CSNK1G3: variants seen among roughly 807,000 people sequenced by gnomAD.
CSNK1G3 encodes casein kinase I isoform gamma-3.
CSNK1G3 carries 23 observed loss-of-function variants against 64.3 expected under a neutral mutation model. The observed-to-expected ratio is 0.36, with a 90% CI of 0.26 to 0.51. CSNK1G3 has a LOEUF of 0.51. CSNK1G3 is among the 20% of genes least tolerant of loss of function. CSNK1G3 has a pLI of 0.96. For synonymous variants in CSNK1G3, 158 were observed against 162.2 expected (o/e 0.97, Z 0.20); for missense variants, 357 against 510.5 (o/e 0.70, Z 2.90).
intron 10 of CSNK1G3, among the ~76,000 whole-genome samples, chr5:123,604,412 T>C (rs1794997269): frequency 6.6e-6 from 1 of 151,998 alleles, no homozygotes; most frequent in African/African-American, 2.4e-5. Flanking sequence ...AAGAGGAAAC[T>C]GATTGAGACA....
At chr5:123,600,894 T>A (rs1794379068) in intron 10 of CSNK1G3, among the ~76,000 whole-genome samples, 1 of 149,892 alleles carries the variant, frequency 6.7e-6, no homozygotes, top group Non-Finnish European at 1.5e-5. Flanking sequence ...AAAACTGGAG[T>A]CTAGTTGCCT....
chr5:123,542,185 A>G (rs1257811420), intron 1 of CSNK1G3, among the ~76,000 whole-genome samples: 6 of 152,194 alleles, frequency 3.9e-5, no homozygotes, highest in Non-Finnish European at 8.8e-5. Flanking sequence ...GAATAGCTAA[A>G]TAGAGCTAAT....
chr5:123,525,245 T>A (rs1287201752), intron 1 of CSNK1G3, among the ~76,000 whole-genome samples: 2 of 151,836 alleles, frequency 1.3e-5, no homozygotes, highest in Admixed American at 1.3e-4. Context: ...TTAGGGAGAA[T>A]GTTAACATGG....
chr5:123,578,777 T>C (rs1789662736), intron 6 of CSNK1G3, among the ~76,000 whole-genome samples: 1 of 151,956 alleles, frequency 6.6e-6, no homozygotes, highest in African/African-American at 2.4e-5. Context: ...TCCATCAGAA[T>C]TGATTTTTTA....
At chr5:123,531,161 A>G (rs1474021824) in intron 1 of CSNK1G3, among the ~76,000 whole-genome samples, 1 of 152,150 alleles carries the variant, frequency 6.6e-6, no homozygotes, top group Non-Finnish European at 1.5e-5. Flanking sequence ...GTAACATTTG[A>G]CTATAAATTT....
chr5:123,603,653 G>A (rs1039682628), intron 10 of CSNK1G3, among the ~76,000 whole-genome samples: 1 of 152,102 alleles, frequency 6.6e-6, no homozygotes, highest in African/African-American at 2.4e-5. Context: ...ATTTTTAGCT[G>A]TGTGATAGAA....
At chr5:123,613,187 T>A (rs1257468311) in intron 12 of CSNK1G3, among the ~76,000 whole-genome samples, 1 of 151,946 alleles carries the variant, frequency 6.6e-6, no homozygotes, top group Non-Finnish European at 1.5e-5. Context: ...TTAATTTTTT[T>A]CTTTTTTTTT....
chr5:123,583,019 G>C (rs572709428), intron 6 of CSNK1G3, among the ~76,000 whole-genome samples: 4 of 152,174 alleles, frequency 2.6e-5, no homozygotes, highest in Non-Finnish European at 4.4e-5. Flanking sequence ...TGTGGGTTAT[G>C]AGACTAATAC....
At chr5:123,535,292 T>C (rs1015710880) in intron 1 of CSNK1G3, among the ~76,000 whole-genome samples, 1 of 152,170 alleles carries the variant, frequency 6.6e-6, no homozygotes, top group Non-Finnish European at 1.5e-5. Flanking sequence ...GGATTTCTTA[T>C]CATTGTCGCA....
At chr5:123,541,215 T>G (rs146329289) in intron 1 of CSNK1G3, among the ~76,000 whole-genome samples, 6 of 152,274 alleles carry the variant, frequency 3.9e-5, no homozygotes, top group African/African-American at 1.4e-4. Flanking sequence ...TTTTGCCTCG[T>G]TTTGCTCATT....
rs1445028889 is a variant in CSNK1G3, at chr5:123,601,390, C to T, written c.1087-3334C>T. Among the ~76,000 whole-genome samples, 3 of 152,142 alleles carry T rather than the reference C, an allele frequency of 2.0e-5. No homozygotes were observed. In the East Asian group the frequency reaches 5.8e-4, roughly 29 times the overall value. ...AGTCAACAGCAGTATCCTATCTTAA[C>T]TCTGTTACCACAGTGATTCTATTCT... On this transcript the variant is annotated intron_variant, in intron 10 of 12. Coordinates refer to ENST00000345990, the Ensembl canonical transcript of CSNK1G3.
chr5:123,595,182 C>T, intron 10 of CSNK1G3, 48 bp downstream of exon 11: 1 of 1,543,240 alleles, frequency 6.5e-7, no homozygotes, highest in African/African-American at 1.4e-5. Context: ...ATTTATACAA[C>T]TAACCCTTTT....
chr5:123,584,305 T>C (rs532358499), intron 6 of CSNK1G3, among the ~76,000 whole-genome samples: 1 of 146,422 alleles, frequency 6.8e-6, no homozygotes, highest in South Asian at 2.1e-4. Context: ...TTTTTCGTAG[T>C]TGTTGTCAGG....
At position 123,546,593 on chromosome 5, in the gene CSNK1G3, G is replaced by T. The variant is rs79728796; in HGVS notation, c.178+752G>T. Among the ~76,000 whole-genome samples the T allele has an allele frequency of 8.4e-3, 1,270 of 152,036 alleles. 21 individuals are homozygous for T. The highest frequency in any genetic ancestry group is 0.029 in the African/African-American group (1,202 of 41,488). ...AAAAACTAAGAAGGAGGGTGTTATG[G>T]TTATAATGGTTGTATAGAAGTCAGT... On this transcript the variant is annotated intron_variant, in intron 2 of 12. Transcript: ENST00000345990.
At chr5:123,515,478 T>G (rs1303052543) in intron 1 of CSNK1G3, among the ~76,000 whole-genome samples, 1 of 152,168 alleles carries the variant, frequency 6.6e-6, no homozygotes, top group African/African-American at 2.4e-5. Flanking sequence ...ATGAAGTAAT[T>G]ATAAAAGAAT....
At chr5:123,568,182 A>G (rs1291736727) in intron 4 of CSNK1G3, among the ~76,000 whole-genome samples, 2 of 152,156 alleles carry the variant, frequency 1.3e-5, no homozygotes, top group Non-Finnish European at 2.9e-5. Context: ...CAGGCATTGC[A>G]GTTTTCGGTG....
At chr5:123,608,816 TTCTAAGGTGAC>T (rs932513582) in intron 12 of CSNK1G3, among the ~76,000 whole-genome samples, 5 of 152,164 alleles carry the variant, frequency 3.3e-5, no homozygotes, top group Non-Finnish European at 4.4e-5. Flanking sequence ...TTTAAAAAAC[TTCTAAGGTGAC>T]TCTAAGGAGC....
intron 6 of CSNK1G3, among the ~76,000 whole-genome samples, chr5:123,580,901 TAATAG>T (rs1247541738): frequency 7.2e-5 from 11 of 151,896 alleles, no homozygotes; most frequent in South Asian, 2.1e-4. Flanking sequence ...TTGTAAGTGT[TAATAG>T]AAGAATGATG....
chr5:123,614,399 CT>C, exon 13 of CSNK1G3: 1 of 1,612,602 alleles, frequency 6.2e-7, no homozygotes, highest in Non-Finnish European at 8.5e-7. Flanking sequence ...ACAAATGACT[CT>C]GGACACAGAC....
Sources: gnomAD v4.1 joint callset for allele counts (sites outside exome capture counted in the v4.1 genomes callset) on GRCh38, gnomAD v4.1.1 for gene constraint, MANE v1.5 for transcripts, NCBI Gene and HGNC (gene_info 2026-07-23, HGNC 2026-07-21) for gene names.